Variants in NFIA observed in about 807,000 individuals in gnomAD.
NFIA encodes the protein nuclear factor 1 A-type.
Under a neutral mutation model 62.8 loss-of-function variants are expected in NFIA, and 8 were observed. The observed-to-expected ratio is 0.13, with a 90% CI of 0.07 to 0.23. The LOEUF (loss-of-function observed/expected upper bound fraction) is 0.23. Among genes scored for constraint, NFIA ranks in the 10% least tolerant of loss-of-function variants. The probability of loss-of-function intolerance (pLI) is 1.00; values close to 1 mark genes in which losing one functional copy is unlikely to be tolerated. For synonymous variants in NFIA, 235 were observed against 238.1 expected, an observed-to-expected ratio of 0.99 and a Z score of 0.12; for missense variants, 410 against 642.1, an observed-to-expected ratio of 0.64 and a Z score of 3.91.
At chr1:61,141,137 A>G (rs72664839) in intron 2 of NFIA, among the ~76,000 whole-genome samples, 2,875 of 152,144 alleles carry the variant, frequency 0.019, 48 homozygotes, top group Non-Finnish European at 0.027. Flanking sequence ...GACCTCAGTA[A>G]CAAGCTTAAA....
chr1:61,205,963 C>CTGGA (rs1457498366), intron 2 of NFIA, among the ~76,000 whole-genome samples: 2 of 136,886 alleles, frequency 1.5e-5, no homozygotes, highest in Non-Finnish European at 3.0e-5. Flanking sequence ...GTCACCCATG[C>CTGGA]TGGAGTGCAG....
chr1:61,260,299 G>A (rs1419047324), intron 2 of NFIA, among the ~76,000 whole-genome samples: 2 of 152,174 alleles, frequency 1.3e-5, no homozygotes, highest in Admixed American at 6.5e-5. Context: ...GACTTTTCGA[G>A]CAGTGAGCAG....
chr1:61,441,614 A>G (rs1413567606), intron 10 of NFIA, among the ~76,000 whole-genome samples: 1 of 152,214 alleles, frequency 6.6e-6, no homozygotes, highest in East Asian at 1.9e-4. Flanking sequence ...GAAATTGATC[A>G]TTAGGATTAA....
At chr1:61,290,843 C>G (rs1226742750) in intron 3 of NFIA, among the ~76,000 whole-genome samples, 1 of 152,068 alleles carries the variant, frequency 6.6e-6, no homozygotes, top group African/African-American at 2.4e-5. Flanking sequence ...ATTTTTTCCC[C>G]TTATATAAAG....
intron 8 of NFIA, among the ~76,000 whole-genome samples, chr1:61,406,083 A>G (rs1665803671): frequency 6.6e-6 from 1 of 152,190 alleles, no homozygotes; most frequent in South Asian, 2.1e-4. Flanking sequence ...TCTCAAGTGC[A>G]TATTTAGGAA....
chr1:61,254,757 G>A (rs539208881), intron 2 of NFIA, among the ~76,000 whole-genome samples: 20 of 152,336 alleles, frequency 1.3e-4, no homozygotes, highest in African/African-American at 4.8e-4. Context: ...CCAAACGGCA[G>A]ATATCTGCAT....
At chr1:61,357,848 T>A (rs1663046533) in intron 5 of NFIA, among the ~76,000 whole-genome samples, 1 of 152,108 alleles carries the variant, frequency 6.6e-6, no homozygotes, top group Non-Finnish European at 1.5e-5. Context: ...CCAGTAGATA[T>A]GAAATCTACT....
chr1:61,357,412 G>A (rs1289050425), intron 5 of NFIA, among the ~76,000 whole-genome samples: 1 of 152,198 alleles, frequency 6.6e-6, no homozygotes, highest in Non-Finnish European at 1.5e-5. Flanking sequence ...AGAAATGTAT[G>A]GAGTTTAAGA....
At position 61,335,723 on chromosome 1, in the gene NFIA, T is replaced by C. The variant is rs148283816; in HGVS notation, c.700+3137T>C. Among the ~76,000 whole-genome samples, 620 of 152,000 alleles carry C rather than the reference T, an allele frequency of 4.1e-3. 7 individuals are homozygous for C. The highest frequency in any genetic ancestry group is 0.014 in the African/African-American group (597 of 41,420). ...CAGGTGTGGTGTCGGGCGCCTGTAA[T>C]CCCACCTACTCGGGAGGCTGAGGCA... On this transcript the variant is annotated intron_variant, in intron 4 of 10. Transcript: ENST00000403491.
intron 2 of NFIA, among the ~76,000 whole-genome samples, chr1:61,186,578 G>C (rs1164782633): frequency 6.6e-6 from 1 of 152,150 alleles, no homozygotes; most frequent in African/African-American, 2.4e-5. Context: ...TATGTGAACA[G>C]AATATTAAAG....
intron 3 of NFIA, among the ~76,000 whole-genome samples, chr1:61,291,244 G>A (rs1195155916): frequency 2.6e-5 from 4 of 152,204 alleles, no homozygotes; most frequent in African/African-American, 9.6e-5. Context: ...AGCAGATATT[G>A]TTGAATTCAG....
intron 10 of NFIA, among the ~76,000 whole-genome samples, chr1:61,429,486 A>G (rs1270230336): frequency 1.3e-5 from 2 of 152,220 alleles, no homozygotes; most frequent in Non-Finnish European, 2.9e-5. Context: ...TCCAACAGCA[A>G]CTGATGCTCA....
intron 10 of NFIA, among the ~76,000 whole-genome samples, chr1:61,436,860 C>T (rs1264572489): frequency 1.3e-5 from 2 of 152,196 alleles, no homozygotes; most frequent in East Asian, 1.9e-4. Flanking sequence ...TAACTTAGCA[C>T]TTCTAATTGG....
intron 2 of NFIA, among the ~76,000 whole-genome samples, chr1:61,169,686 C>T (rs908548462): frequency 6.6e-5 from 10 of 152,146 alleles, no homozygotes; most frequent in Admixed American, 2.6e-4. Flanking sequence ...GGAAAGCGAA[C>T]GGTTTAAAAC....
rs192582244 is a variant in NFIA at position 61,270,722 on chromosome 1, A to G, written c.560-6798A>G. Among the ~76,000 whole-genome samples the G allele has an allele frequency of 1.1e-3, 172 of 152,272 alleles. 2 individuals are homozygous for G. Among genetic ancestry groups the G allele is most frequent in the East Asian group, 7.7e-4 (4 of 5,182 alleles). On this transcript the variant is annotated intron_variant, in intron 2 of 10. Transcript: ENST00000403491. ...TGTGAAAAAAGTGACTAAATGGGGA[A>G]ATTAAGCACAATTCTGCTATGCAAT...
In NFIA at chr1:61,270,638, C is replaced by T. The variant is rs541139756; in HGVS notation, c.560-6882C>T. ...TATAGATGGCTGTATGAGTAATCTT[C>T]AAGTATATATCATCCTGTTGAAGAA... On this transcript the variant is annotated intron_variant, in intron 2 of 10. Transcript: ENST00000403491. Among the ~76,000 whole-genome samples, 3 of 152,230 alleles carry T rather than the reference C, an allele frequency of 2.0e-5. No individual in the cohort carries two copies. In the South Asian group the frequency reaches 6.2e-4, roughly 32 times the overall value.
At position 61,293,358 on chromosome 1, in the gene NFIA, T is replaced by C. The variant is rs568488603; in HGVS notation, c.625+15773T>C. Among the ~76,000 whole-genome samples, 4 of 152,352 alleles carry C rather than the reference T, an allele frequency of 2.6e-5. No homozygotes were observed. The South Asian group carries it at 8.3e-4, about 32-fold the overall frequency. On this transcript the variant is annotated intron_variant, in intron 3 of 10. Transcript: ENST00000403491. ...GTTTCTGTGTGTATGAGAGGGAAGATGCAAAGTCCTTGTTAAACAAAAGGA... is the reference window on the plus strand; with the variant it reads ...GTTTCTGTGTGTATGAGAGGGAAGACGCAAAGTCCTTGTTAAACAAAAGGA...
At chr1:61,240,825 A>T (rs1028306972) in intron 2 of NFIA, among the ~76,000 whole-genome samples, 1 of 152,178 alleles carries the variant, frequency 6.6e-6, no homozygotes, top group South Asian at 2.1e-4. Flanking sequence ...ATTTTCAAGG[A>T]CAGAACTTAT....
intron 2 of NFIA, among the ~76,000 whole-genome samples, chr1:61,178,093 A>C (rs1263542158): frequency 6.6e-6 from 1 of 152,120 alleles, no homozygotes; most frequent in Admixed American, 6.5e-5. Flanking sequence ...TCAAGGCAGA[A>C]ATGAAGTAGA....
Sources: allele counts gnomAD v4.1 joint callset (sites outside exome capture counted in the v4.1 genomes callset), GRCh38; gene constraint gnomAD v4.1.1; transcripts MANE v1.5; gene names NCBI Gene and HGNC (gene_info 2026-07-23, HGNC 2026-07-21).